Variants in TENM1 observed in about 807,000 individuals in gnomAD.
The protein encoded by TENM1 is teneurin-1.
Under a neutral mutation model 174.8 loss-of-function variants are expected in TENM1, and 35 were observed. That is an observed-to-expected ratio of 0.20 (90% CI 0.15 to 0.27). The LOEUF is 0.27. TENM1 is among the 10% of genes least tolerant of loss of function. The pLI is 1.00. For synonymous variants in TENM1, 781 were observed against 798.7 expected (o/e 0.98, Z 0.37); for missense variants, 1,633 against 2,130.1 (o/e 0.77, Z 4.59).
chrX:124,818,589 T>C (rs186019249), intron 3 of TENM1, among the ~76,000 whole-genome samples: 2 of 111,893 alleles, frequency 1.8e-5, no homozygotes, highest in East Asian at 5.6e-4. Context: ...ATACACTCTT[T>C]ATAATTCTCC....
chrX:125,127,932 A>G, the TENM1 span, among the ~76,000 whole-genome samples: 5 of 111,287 alleles, frequency 4.5e-5, no homozygotes, highest in African/African-American at 1.6e-4. Context: ...GACTCCATAT[A>G]CTTTGATGTC....
intron 28 of TENM1, among the ~76,000 whole-genome samples, chrX:124,387,123 T>C: frequency 9.3e-6 from 1 of 107,300 alleles, no homozygotes. Context: ...CTATTAATGT[T>C]TTGCAATTGA....
chrX:124,963,844 CCTT>C (rs1429905136), upstream of TENM1: 26 of 736,560 alleles, frequency 3.5e-5, no homozygotes, highest in East Asian at 7.6e-4. Flanking sequence ...AAAACACAAG[CCTT>C]CTTAGATTTA....
chrX:125,102,926 T>C, the TENM1 span, among the ~76,000 whole-genome samples: 1 of 111,629 alleles, frequency 9.0e-6, no homozygotes, highest in Non-Finnish European at 1.9e-5. Context: ...TCCTGCAAGA[T>C]TATGTCCTGG....
At chrX:124,734,737 A>G (rs1344293155) in intron 4 of TENM1, among the ~76,000 whole-genome samples, 2 of 112,068 alleles carry the variant, frequency 1.8e-5, no homozygotes, top group African/African-American at 3.2e-5. Flanking sequence ...AATAACAACC[A>G]GTCTTAGGAG....
At chrX:125,028,321 A>G in the TENM1 span, among the ~76,000 whole-genome samples, 1 of 112,541 alleles carries the variant, frequency 8.9e-6, no homozygotes, top group Non-Finnish European at 1.9e-5. Context: ...GTTAAGAGAC[A>G]AAAGAACATT....
At chrX:125,117,648 T>C in the TENM1 span, among the ~76,000 whole-genome samples, 1 of 110,626 alleles carries the variant, frequency 9.0e-6, no homozygotes, top group Non-Finnish European at 1.9e-5. Flanking sequence ...CGTGTATACC[T>C]AGGTAACAAA....
chrX:125,139,303 G>A, the TENM1 span, among the ~76,000 whole-genome samples: 2 of 111,175 alleles, frequency 1.8e-5, no homozygotes, highest in African/African-American at 6.5e-5. Flanking sequence ...TGGTCAGGGA[G>A]GGCCCCAATG....
chrX:124,891,655 C>CAA (rs776826752), intron 3 of TENM1, among the ~76,000 whole-genome samples: 4 of 84,233 alleles, frequency 4.7e-5, no homozygotes, highest in Non-Finnish European at 4.7e-5. Flanking sequence ...AAGACTCTGT[C>CAA]AAAAAAAAAA....
At chrX:124,721,511 T>C (rs1446066640) in intron 4 of TENM1, among the ~76,000 whole-genome samples, 1 of 111,973 alleles carries the variant, frequency 8.9e-6, no homozygotes, top group Non-Finnish European at 1.9e-5. Flanking sequence ...TTCCTGGGCA[T>C]TTAAGATTTT....
At chrX:124,645,459 T>C (rs1271356993) in intron 9 of TENM1, 122 bp from the exon 13 acceptor site, 2 of 597,220 alleles carry the variant, frequency 3.3e-6, no homozygotes, top group Non-Finnish European at 5.2e-6. Context: ...TTACCCTTTA[T>C]TAAATAGGCA....
At chrX:125,138,006 A>G in the TENM1 span, among the ~76,000 whole-genome samples, 2 of 111,561 alleles carry the variant, frequency 1.8e-5, no homozygotes, top group Non-Finnish European at 3.8e-5. Context: ...TAAATCATGC[A>G]TAGTATCCTA....
At chrX:124,802,031 G>C (rs1034433892) in intron 3 of TENM1, among the ~76,000 whole-genome samples, 21 of 111,077 alleles carry the variant, frequency 1.9e-4, no homozygotes, top group Non-Finnish European at 3.8e-4. Context: ...AAGGTTCTTA[G>C]CTTCTTTGCA....
At chrX:124,459,687 G>A (rs2061147063) in intron 22 of TENM1, among the ~76,000 whole-genome samples, 1 of 111,769 alleles carries the variant, frequency 8.9e-6, no homozygotes, top group African/African-American at 3.3e-5. Flanking sequence ...CATGGGCAAA[G>A]ATTTCATAAT....
chrX:124,949,294 C>A (rs1369849041), intron 1 of TENM1, among the ~76,000 whole-genome samples: 1 of 111,764 alleles, frequency 8.9e-6, no homozygotes, highest in Non-Finnish European at 1.9e-5. Context: ...TGCACCACAG[C>A]GAGGAAACAT....
chrX:124,399,917 A>T (rs2060381359), intron 27 of TENM1, among the ~76,000 whole-genome samples: 1 of 111,646 alleles, frequency 9.0e-6, no homozygotes, highest in South Asian at 3.8e-4. Flanking sequence ...GGCTGCAGTG[A>T]GCCAAGATCG....
intron 16 of TENM1, among the ~76,000 whole-genome samples, chrX:124,526,609 C>T (rs2047982118): frequency 8.9e-6 from 1 of 111,906 alleles, no homozygotes; most frequent in South Asian, 3.7e-4. Context: ...TCCATTTGCA[C>T]GGGCCATTAA....
At chrX:124,397,590 A>AT (rs2060350052) in intron 27 of TENM1, among the ~76,000 whole-genome samples, 1 of 110,800 alleles carries the variant, frequency 9.0e-6, no homozygotes, top group African/African-American at 3.3e-5. Flanking sequence ...CCTGCATTTA[A>AT]TTTTTTTGTT....
At chrX:125,105,943 C>T in the TENM1 span, among the ~76,000 whole-genome samples, 2 of 112,140 alleles carry the variant, frequency 1.8e-5, no homozygotes, top group African/African-American at 3.2e-5. Flanking sequence ...TCTCCATTTT[C>T]AAATCATGTA....
Sources: allele counts gnomAD v4.1 joint callset (sites outside exome capture counted in the v4.1 genomes callset), GRCh38; gene constraint gnomAD v4.1.1; transcripts MANE v1.5; gene names NCBI Gene and HGNC (gene_info 2026-07-23, HGNC 2026-07-21).